The following EIF3A variants were observed in gnomAD, a reference collection of about 807,000 sequenced individuals.
EIF3A encodes the protein eukaryotic translation initiation factor 3 subunit A.
A neutral mutation model predicts 186.6 loss-of-function variants in EIF3A; 21 were observed. That is an observed-to-expected ratio of 0.11 (90% CI 0.08 to 0.16). The LOEUF is 0.16. Ranked by LOEUF, EIF3A falls within the 10% of genes least tolerant of loss-of-function variation. The probability of loss-of-function intolerance (pLI) is 1.00; values close to 1 mark genes in which losing one functional copy is unlikely to be tolerated. For synonymous variants in EIF3A, 563 were observed against 584.3 expected (o/e 0.96, Z 0.52); for missense variants, 1,306 against 1,796.3 (o/e 0.73, Z 4.93).
chr10:119,040,344 A>G (rs1479513540), intron 19 of EIF3A, among the ~76,000 whole-genome samples: 1 of 152,196 alleles, frequency 6.6e-6, no homozygotes, highest in Non-Finnish European at 1.5e-5. Context: ...ATTTAACATA[A>G]AGGATGAAAC....
At position 119,069,431 on chromosome 10, in the gene EIF3A, G is replaced by A. The variant is rs1390855893; in HGVS notation, c.950+15C>T. The A allele has an allele frequency of 4.2e-6, 5 of 1,178,086 alleles. No individual in the cohort carries two copies. The highest frequency in any genetic ancestry group is 6.4e-6 in the Non-Finnish European group (5 of 783,254). The allele number at this position is 1,178,086 out of a possible 1,614,324, so 73.0% of individuals were successfully genotyped here. On this transcript the variant is annotated intron_variant, in intron 6 of 21. Transcript: ENST00000369144. ...GTTACAGAATTTCAACATTATCCAA[G>A]TATAACATTTTTACCTTTGCATCTC...
At chr10:119,077,821 G>C (rs968666516) in intron 1 of EIF3A, among the ~76,000 whole-genome samples, 1 of 152,188 alleles carries the variant, frequency 6.6e-6, no homozygotes, top group Non-Finnish European at 1.5e-5. Flanking sequence ...CCAAAGTGCT[G>C]GGATTACAGG....
At chr10:119,038,504 A>G in intron 19 of EIF3A, 65 bp from the exon 20 acceptor site, 3 of 1,321,822 alleles carry the variant, frequency 2.3e-6, no homozygotes, top group Non-Finnish European at 3.2e-6. Flanking sequence ...ATTGGCAATC[A>G]TGAATAGACG....
chr10:119,037,987 G>C (rs895974694), intron 20 of EIF3A, among the ~76,000 whole-genome samples: 1 of 145,724 alleles, frequency 6.9e-6, no homozygotes, highest in African/African-American at 2.5e-5. Flanking sequence ...CGCTATCTCG[G>C]CTCACCACAA....
At position 119,077,633 on chromosome 10, in the gene EIF3A, C is replaced by A. The variant is rs555928042; in HGVS notation, c.49+2995G>T. On this transcript the variant is annotated intron_variant, in intron 1 of 21. Transcript: ENST00000369144. Reference sequence around the variant, plus strand: ...GCAGTGGCGCAATCTCAGCTCACTGCAAGCTCCACCTCCTGGGTTCATGCC... The same window carrying A: ...GCAGTGGCGCAATCTCAGCTCACTGAAAGCTCCACCTCCTGGGTTCATGCC... Among the ~76,000 whole-genome samples the A allele has an allele frequency of 5.3e-5, 8 of 151,270 alleles. No homozygotes were observed. The East Asian group carries it at 1.6e-3, about 30-fold the overall frequency.
Position 119,061,131 on chromosome 10 carries a change from C to T in EIF3A, c.1227+93G>A, listed in dbSNP as rs1843878075. The T allele has an allele frequency of 1.2e-5, 8 of 664,282 alleles. No homozygotes were observed. In the Admixed American group the frequency reaches 1.9e-4, roughly 16 times the overall value. 41.1% of individuals were successfully genotyped at this position (664,282 alleles called of 1,614,324 possible). Reference sequence around the variant, plus strand: ...GTGCACTGAATTCCAACACATAGGACAAAACTTCTCTCTTAACAAATATGA... The same window carrying T: ...GTGCACTGAATTCCAACACATAGGATAAAACTTCTCTCTTAACAAATATGA... On this transcript the variant is annotated intron_variant, in intron 8 of 21. Coordinates refer to ENST00000369144, the MANE Select transcript of EIF3A (RefSeq NM_003750.4).
chr10:119,052,623 A>G (rs1589689063), intron 14 of EIF3A, among the ~76,000 whole-genome samples: 2 of 151,850 alleles, frequency 1.3e-5, no homozygotes, highest in African/African-American at 2.4e-5. Flanking sequence ...CAATCTGCCC[A>G]CCTCAGCCTC....
chr10:119,069,584 A>G lies in EIF3A; in HGVS notation c.812T>C (p.Leu271Ser). 1 of 1,600,786 alleles carries G rather than the reference A, an allele frequency of 6.2e-7. No individual in the cohort carries two copies. The highest frequency in any genetic ancestry group is 8.6e-7 in the Non-Finnish European group (1 of 1,167,864). Residue 271 changes from leucine (L) to serine (S), a missense_variant, in exon 6 of 22, where the codon TTG becomes TCG. Leu to Ser is a moderately radical substitution (Grantham distance 145). This residue lies in a region of EIF3A where 267 missense variants were observed against 367.8 expected (regional missense o/e 0.73). Transcript: ENST00000369144. The stretch of plus-strand genomic sequence containing the variant: ...GACTTTGTTATAGTAATTTGCCATC[A>G]ACTGAGGTTTAGGTGGTTTTTTAGA... ...SLSKKPPKPQ[L>S]MANYYNKVST...
chr10:119,050,143 A>G (rs1370729364), intron 16 of EIF3A, among the ~76,000 whole-genome samples, 158 bp from the exon 17 acceptor site: 1 of 152,178 alleles, frequency 6.6e-6, no homozygotes, highest in Non-Finnish European at 1.5e-5. Flanking sequence ...AGTCAAGAAA[A>G]TAAGTACTAC....
intron 1 of EIF3A, among the ~76,000 whole-genome samples, chr10:119,076,114 C>T (rs1248517278): frequency 6.7e-6 from 1 of 150,242 alleles, no homozygotes; most frequent in African/African-American, 2.4e-5. Flanking sequence ...GGGTGGATCA[C>T]GAGGTCAGGA....
intron 6 of EIF3A, among the ~76,000 whole-genome samples, chr10:119,066,235 G>A (rs996332021): frequency 3.3e-5 from 5 of 151,950 alleles, no homozygotes; most frequent in South Asian, 2.1e-4. Flanking sequence ...ATGGCTAGGC[G>A]CAGTGGCTCA....
At chr10:119,055,189 G>A (rs567016373) in intron 14 of EIF3A, among the ~76,000 whole-genome samples, 4 of 152,284 alleles carry the variant, frequency 2.6e-5, no homozygotes, top group South Asian at 2.1e-4. Flanking sequence ...CAGCCTGGGC[G>A]ACAGAATGAA....
intron 1 of EIF3A, among the ~76,000 whole-genome samples, chr10:119,074,327 T>C (rs993721128): frequency 6.6e-6 from 1 of 151,808 alleles, no homozygotes; most frequent in Non-Finnish European, 1.5e-5. Flanking sequence ...TAGCCAGGCG[T>C]GGTGGTATGT....
In EIF3A at chr10:119,073,951, A is replaced by C; in HGVS notation, c.50-14T>G. 6.3e-7 allele frequency: 1 copy of C among 1,578,244 alleles called. No homozygotes were observed. Among genetic ancestry groups the C allele is most frequent in the South Asian group, 1.2e-5 (1 of 86,122 alleles). The stretch of plus-strand genomic sequence containing the variant: ...CCTCAAGAAATTCTGAAAAATTCAG[A>C]AGAATTAAAATTAGTTATGTACACT... On this transcript the variant is annotated splice_polypyrimidine_tract_variant and intron_variant, in intron 1 of 21. Coordinates refer to ENST00000369144, the MANE Select transcript of EIF3A (RefSeq NM_003750.4).
Position 119,061,309 on chromosome 10 carries a change from T to A in EIF3A, c.1142A>T (p.Gln381Leu), listed in dbSNP as rs1454409358. ...GTCTTTCACTTCTGGGACAACATAT[T>A]GTAGTACATTAAATCTGACCTACAG... ...INDMVRFNVL[Q>L]YVVPEVKDLY... The change falls in exon 8 of 22, where the codon CAA becomes CTA. Residue 381 changes from glutamine (Q) to leucine (L), a missense_variant. Gln to Leu is a moderately radical substitution (Grantham distance 113). Transcript: ENST00000369144. 6.4e-7 allele frequency: 1 copy of A among 1,565,982 alleles called. No homozygotes were observed. The highest frequency in any genetic ancestry group is 8.7e-7 in the Non-Finnish European group (1 of 1,145,290).
At chr10:119,064,461 C>A (rs930230469) in intron 7 of EIF3A, among the ~76,000 whole-genome samples, 1 of 152,034 alleles carries the variant, frequency 6.6e-6, no homozygotes, top group African/African-American at 2.4e-5. Context: ...TCCCCGTAGG[C>A]CCATCCTCAT....
Position 119,073,803 on chromosome 10 carries a change from G to A in EIF3A, c.184C>T (p.Arg62Cys). 1 of 1,613,736 alleles carries A rather than the reference G, an allele frequency of 6.2e-7. No homozygotes were observed. Among genetic ancestry groups the A allele is most frequent in the Non-Finnish European group, 8.5e-7 (1 of 1,179,868 alleles). ...LKYLELCVDL[R>C]KSHLAKEGLY... Reference sequence around the variant, plus strand: ...CCCTCCTTTGCCAAGTGGCTCTTGCGAAGATCCACGCAAAGTTCCAAGTAT... The same window carrying A: ...CCCTCCTTTGCCAAGTGGCTCTTGCAAAGATCCACGCAAAGTTCCAAGTAT... Residue 62 changes from arginine to cysteine, a missense_variant, in exon 2 of 22, where the codon CGC becomes TGC. Around this residue, in one of 8 missense-constraint regions of EIF3A, gnomAD observed 130 missense variants for 259.3 expected, o/e 0.50. Coordinates refer to ENST00000369144, the MANE Select transcript of EIF3A (RefSeq NM_003750.4).
In EIF3A at chr10:119,035,781, TTTC is replaced by T. The variant is rs1299339077; in HGVS notation, c.*255_*257del. On this transcript the variant is annotated 3_prime_UTR_variant, in exon 22 of 22. Transcript: ENST00000369144. Reference sequence around the variant, plus strand: ...CACATTTTAAATTTATTTTTTAGTTTTTCTTTTTTGTCAACAAATGATTGATGA... The same window carrying T: ...CACATTTTAAATTTATTTTTTAGTTTTTTTTTGTCAACAAATGATTGATGA... 2.9e-5 allele frequency: 11 copies of T among 384,210 alleles called. No individual in the cohort carries two copies. The highest frequency in any genetic ancestry group is 4.2e-5 in the Non-Finnish European group (9 of 215,412). The allele number at this position is 384,210 out of a possible 1,614,324, so 23.8% of individuals were successfully genotyped here. A position where few individuals can be genotyped will look rare whatever the true frequency, so the allele number is the denominator to read the frequency against.
rs185369957 is a variant in EIF3A, at chr10:119,046,707, T to C, written c.2659-2565A>G. ...GGCACAGTGGCTCATGCCTGTAATC[T>C]CAGCACTTTGGGAGGTTGAGGTGGG... On this transcript the variant is annotated intron_variant, in intron 17 of 21. Coordinates refer to ENST00000369144, the MANE Select transcript of EIF3A (RefSeq NM_003750.4). Among the ~76,000 whole-genome samples, 227 of 151,970 alleles carry C rather than the reference T, an allele frequency of 1.5e-3. 1 individual carries two copies. The highest frequency in any genetic ancestry group is 5.2e-3 in the African/African-American group (214 of 41,444).
Sources: allele counts gnomAD v4.1 joint callset (sites outside exome capture counted in the v4.1 genomes callset), GRCh38; gene constraint gnomAD v4.1.1; regional missense constraint gnomAD v4.1.1; transcripts MANE v1.5; gene names NCBI Gene and HGNC (gene_info 2026-07-23, HGNC 2026-07-21).